NDST4: variants seen among roughly 807,000 people sequenced by gnomAD.
NDST4 encodes the protein N-heparan sulfate sulfotransferase 4.
In NDST4, 63 loss-of-function variants were observed where a neutral mutation model predicts 100.8. The ratio of observed to expected loss-of-function variants is 0.62; its 90% confidence interval spans 0.51 to 0.77. The LOEUF (loss-of-function observed/expected upper bound fraction) is 0.77, where lower values mean the gene tolerates loss of function less well. NDST4 is among the 30% of genes least tolerant of loss of function. The probability of loss-of-function intolerance (pLI) is 0.00; values close to 1 mark genes in which losing one functional copy is unlikely to be tolerated. For missense variants in NDST4, 943 were observed against 1,018.4 expected (o/e 0.93, Z 1.01); for synonymous variants, 377 against 361.8 (o/e 1.04, Z -0.48).
chr4:114,862,290 G>T (rs185355793), intron 7 of NDST4, among the ~76,000 whole-genome samples: 2 of 152,044 alleles, frequency 1.3e-5, no homozygotes, highest in Non-Finnish European at 2.9e-5. Context: ...TAGTTAATGA[G>T]TACACCATCA....
intron 2 of NDST4, among the ~76,000 whole-genome samples, chr4:115,023,645 A>G (rs1727911727): frequency 6.6e-6 from 1 of 152,146 alleles, no homozygotes. Flanking sequence ...AGCAGAATGT[A>G]AAAAATTGTA....
chr4:114,929,036 CTG>C (rs1725440544), intron 6 of NDST4, among the ~76,000 whole-genome samples: 1 of 146,614 alleles, frequency 6.8e-6, no homozygotes, highest in Non-Finnish European at 1.5e-5. Flanking sequence ...GTCTGTCTGT[CTG>C]TCTGTCCGTC....
At chr4:115,073,253 T>C (rs1488307520) in intron 2 of NDST4, among the ~76,000 whole-genome samples, 6 of 152,012 alleles carry the variant, frequency 3.9e-5, no homozygotes, top group Admixed American at 1.3e-4. Context: ...GAAAACAATA[T>C]GGAGATTCTT....
At chr4:114,969,321 GAAAAAAAAA>G (rs70964334) in intron 4 of NDST4, among the ~76,000 whole-genome samples, 14 of 90,752 alleles carry the variant, frequency 1.5e-4, no homozygotes, top group East Asian at 7.1e-4. Flanking sequence ...CTCAAAAAAA[GAAAAAAAAA>G]AAAAAAAAAA....
At chr4:114,831,645 C>T (rs1354450536) in intron 12 of NDST4, among the ~76,000 whole-genome samples, 3 of 152,176 alleles carry the variant, frequency 2.0e-5, no homozygotes, top group African/African-American at 4.8e-5. Flanking sequence ...TTGTTATCCA[C>T]AGCAGCTGTT....
At chr4:115,091,671 T>G (rs1729523448) in intron 1 of NDST4, among the ~76,000 whole-genome samples, 1 of 152,154 alleles carries the variant, frequency 6.6e-6, no homozygotes, top group African/African-American at 2.4e-5. Flanking sequence ...TGAGAATTTG[T>G]GAAAATACAT....
chr4:115,045,396 A>T (rs1728443631), intron 2 of NDST4, among the ~76,000 whole-genome samples: 1 of 152,168 alleles, frequency 6.6e-6, no homozygotes, highest in South Asian at 2.1e-4. Flanking sequence ...TAGTCCTCCC[A>T]TCCCTGCTCA....
intron 6 of NDST4, among the ~76,000 whole-genome samples, chr4:114,915,270 GC>G (rs1725145401): frequency 6.6e-6 from 1 of 152,104 alleles, no homozygotes; most frequent in South Asian, 2.1e-4. Flanking sequence ...TCAAAAGGAA[GC>G]CTGGAAAGAT....
chr4:114,998,146 TC>T lies in NDST4; in HGVS notation c.979-20873del, dbSNP rs1257483919. Reference sequence around the variant, plus strand: ...AGTGGTTCTTATCCCTTGCCTGCTTTCCTGTCATGCCCTCTAGTTTCAGAAT... The same window carrying T: ...AGTGGTTCTTATCCCTTGCCTGCTTTCTGTCATGCCCTCTAGTTTCAGAAT... On this transcript the variant is annotated intron_variant, in intron 2 of 13. Transcript: ENST00000264363. Among the ~76,000 whole-genome samples the T allele has an allele frequency of 3.9e-5, 6 of 152,204 alleles. No individual in the cohort carries two copies. In the East Asian group the frequency reaches 1.2e-3, roughly 29 times the overall value.
At chr4:115,022,161 T>C (rs556949148) in intron 2 of NDST4, among the ~76,000 whole-genome samples, 2 of 150,820 alleles carry the variant, frequency 1.3e-5, no homozygotes, top group East Asian at 4.0e-4. Context: ...TCCATATATA[T>C]ACACGTTCCA....
intron 1 of NDST4, among the ~76,000 whole-genome samples, chr4:115,086,561 A>G (rs1729413779): frequency 6.6e-6 from 1 of 152,090 alleles, no homozygotes; most frequent in African/African-American, 2.4e-5. Context: ...TAACATTACT[A>G]CCATAATATT....
intron 2 of NDST4, among the ~76,000 whole-genome samples, chr4:115,037,467 T>C (rs1728258239): frequency 6.6e-6 from 1 of 152,150 alleles, no homozygotes. Context: ...ATTTTATCTC[T>C]TGACATTTCT....
At chr4:115,109,409 T>C (rs913539770) in intron 1 of NDST4, among the ~76,000 whole-genome samples, 3 of 151,974 alleles carry the variant, frequency 2.0e-5, no homozygotes, top group African/African-American at 7.2e-5. Context: ...TGGGAACAAA[T>C]GAAGCATGTG....
At chr4:114,966,171 TGCATGGAGTAA>T (rs1202649886) in intron 4 of NDST4, among the ~76,000 whole-genome samples, 3 of 152,042 alleles carry the variant, frequency 2.0e-5, no homozygotes, top group Admixed American at 6.6e-5. Context: ...GACATATATG[TGCATGGAGTAA>T]GCATAATACA....
intron 6 of NDST4, among the ~76,000 whole-genome samples, chr4:114,876,933 A>C (rs1393034901): frequency 1.3e-5 from 2 of 152,210 alleles, no homozygotes; most frequent in Admixed American, 1.3e-4. Context: ...GGAAATGAGG[A>C]TCAAGGGTTT....
intron 6 of NDST4, among the ~76,000 whole-genome samples, chr4:114,915,723 A>G (rs1424334209): frequency 6.6e-6 from 1 of 152,292 alleles, no homozygotes; most frequent in East Asian, 1.9e-4. Context: ...ATTAAAAGTC[A>G]GTGGACAGTG....
intron 1 of NDST4, among the ~76,000 whole-genome samples, chr4:115,099,587 G>T (rs1046840959): frequency 6.6e-6 from 1 of 152,068 alleles, no homozygotes; most frequent in Non-Finnish European, 1.5e-5. Flanking sequence ...TGGTACTGGG[G>T]AGTTGCGAAT....
intron 4 of NDST4, among the ~76,000 whole-genome samples, chr4:114,963,531 T>A (rs1039322035): frequency 6.6e-6 from 1 of 152,176 alleles, no homozygotes; most frequent in African/African-American, 2.4e-5. Context: ...GTGAATACAC[T>A]GAAAACCATT....
At chr4:114,994,797 C>T (rs1302894534) in intron 2 of NDST4, among the ~76,000 whole-genome samples, 1 of 151,964 alleles carries the variant, frequency 6.6e-6, no homozygotes, top group Non-Finnish European at 1.5e-5. Flanking sequence ...ACATTAATGG[C>T]TTTCATTTTT....
Sources: allele counts gnomAD v4.1 joint callset (sites outside exome capture counted in the v4.1 genomes callset), GRCh38; gene constraint gnomAD v4.1.1; transcripts MANE v1.5; gene names NCBI Gene and HGNC (gene_info 2026-07-23, HGNC 2026-07-21).